The following PRDM4 variants were observed in gnomAD, a reference collection of about 807,000 sequenced individuals.
PRDM4 encodes PR domain zinc finger protein 4.
PRDM4 carries 38 observed loss-of-function variants against 62.3 expected under a neutral mutation model. The ratio of observed to expected loss-of-function variants is 0.61; its 90% CI spans 0.47 to 0.80. PRDM4 has a LOEUF of 0.80. Ranked by LOEUF, PRDM4 falls within the 30% of genes least tolerant of loss-of-function variation. The pLI is 0.00. For missense variants in PRDM4, 858 were observed against 997.1 expected, an observed-to-expected ratio of 0.86 and a Z score of 1.88; for synonymous variants, 339 against 348.2, an observed-to-expected ratio of 0.97 and a Z score of 0.30.
At chr12:107,750,387 T>C (rs1890850583) in intron 5 of PRDM4, among the ~76,000 whole-genome samples, 1 of 151,970 alleles carries the variant, frequency 6.6e-6, no homozygotes, top group Non-Finnish European at 1.5e-5. Context: ...CTACAAAAAA[T>C]TTAAAAATTA....
chr12:107,755,137 C>G (rs957477960), intron 3 of PRDM4, among the ~76,000 whole-genome samples: 1 of 151,876 alleles, frequency 6.6e-6, no homozygotes. Context: ...CAGGTTGGAG[C>G]GTAGTAGCAT....
intron 5 of PRDM4, among the ~76,000 whole-genome samples, chr12:107,747,146 GA>G (rs1467111564): frequency 6.6e-6 from 1 of 151,658 alleles, no homozygotes; most frequent in Non-Finnish European, 1.5e-5. Context: ...AATAATAAAA[GA>G]AAAAAATAGC....
chr12:107,735,613 T>C (rs1463453420), intron 11 of PRDM4, among the ~76,000 whole-genome samples: 1 of 151,894 alleles, frequency 6.6e-6, no homozygotes, highest in Admixed American at 6.6e-5. Flanking sequence ...AGGATGCTGC[T>C]AACCATTCTA....
Position 107,760,948 on chromosome 12 carries a change from G to C in PRDM4, c.-257+9C>G, listed in dbSNP as rs1197153200. On this transcript the variant is annotated intron_variant, in intron 1 of 11. Transcript: ENST00000228437. ...CGCCCCGCTCCGGCCGGGCCCGCGC[G>C]CAGCCCACCTGCCAGCTGCGCTGGG... is the stretch of plus-strand genomic sequence containing the variant. The C allele has an allele frequency of 1.4e-5, 2 of 144,196 alleles. No individual in the cohort carries two copies. The highest frequency in any genetic ancestry group is 3.0e-5 in the Non-Finnish European group (2 of 66,054). The allele number at this position is 144,196 out of a possible 1,614,324, so 8.9% of individuals were successfully genotyped here.
intron 4 of PRDM4, among the ~76,000 whole-genome samples, chr12:107,753,349 T>G (rs1015544913): frequency 7.3e-6 from 1 of 137,292 alleles, no homozygotes; most frequent in African/African-American, 2.7e-5. Flanking sequence ...CTGGGCAAAA[T>G]AGTTGAGACT....
In PRDM4 at chr12:107,760,664, C is replaced by A. The variant is rs1891216519; in HGVS notation, c.-149G>T. On this transcript the variant is annotated 5_prime_UTR_variant, in exon 2 of 12. Transcript: ENST00000228437. ...CGTCCCCGGGGTCGCCCGGGGCCGC[C>A]CAACTTCTCCCGAGGGCCGGTGGCC... 1 of 932,276 alleles carries A rather than the reference C, an allele frequency of 1.1e-6. No homozygotes were observed. Among genetic ancestry groups the A allele is most frequent in the African/African-American group, 1.7e-5 (1 of 58,438 alleles). 57.8% of individuals were successfully genotyped at this position (932,276 alleles called of 1,614,324 possible). A position where few individuals can be genotyped will look rare whatever the true frequency, so the allele number is the denominator to read the frequency against.
intron 10 of PRDM4, among the ~76,000 whole-genome samples, chr12:107,740,039 G>A (rs900705719): frequency 6.6e-6 from 1 of 152,136 alleles, no homozygotes; most frequent in Non-Finnish European, 1.5e-5. Context: ...TAAGGGGTCA[G>A]CAAACCTTCT....
At chr12:107,750,474 G>T (rs147158667) in intron 5 of PRDM4, among the ~76,000 whole-genome samples, 7,945 of 152,120 alleles carry the variant, frequency 0.052, 695 homozygotes, top group African/African-American at 0.18. Context: ...AGCCCAGGAG[G>T]TCGAGGCTAC....
Position 107,734,340 on chromosome 12 carries a change from G to T in PRDM4, c.2276C>A (p.Ser759Ter). 4 of 1,614,148 alleles carry T rather than the reference G, an allele frequency of 2.5e-6. No individual in the cohort carries two copies. Among genetic ancestry groups the T allele is most frequent in the Non-Finnish European group, 3.4e-6 (4 of 1,180,018 alleles). ...LKTCKGPTSS[S>*]SAPEEEEEDD... ...CTCTTCTTCCTCCTCTGGTGCTGACGAACTGGAGGTGGGCCCTTTGCAGGT... is the reference window on the plus strand; with the variant it reads ...CTCTTCTTCCTCCTCTGGTGCTGACTAACTGGAGGTGGGCCCTTTGCAGGT... The change falls in exon 12 of 12, where the codon TCG becomes TAG. Residue 759 changes from serine (S) to a stop codon, truncating the protein, a stop_gained. Transcript: ENST00000228437. LOFTEE classifies it high-confidence loss of function.
chr12:107,749,250 T>G lies in PRDM4; in HGVS notation c.1126+2165A>C, dbSNP rs377211663. ...TCTCAGGTCCACACACAACTTTTCA[T>G]TAGACATCTCTACTGGGTGTCTTAC... On this transcript the variant is annotated intron_variant, in intron 5 of 11. Coordinates refer to ENST00000228437, the MANE Select transcript of PRDM4 (RefSeq NM_012406.4). Among the ~76,000 whole-genome samples the G allele has an allele frequency of 1.5e-3, 228 of 152,280 alleles. 2 individuals carry two copies. The highest frequency in any genetic ancestry group is 6.7e-3 in the Admixed American group (103 of 15,288).
At chr12:107,754,808 T>C (rs1349501833) in intron 3 of PRDM4, 1 of 152,228 alleles carries the variant, frequency 6.6e-6, no homozygotes, top group Non-Finnish European at 1.5e-5. Flanking sequence ...TTTTGGTATT[T>C]TTAAACTTTA....
At chr12:107,747,404 T>G (rs1332148819) in intron 5 of PRDM4, among the ~76,000 whole-genome samples, 1 of 151,964 alleles carries the variant, frequency 6.6e-6, no homozygotes, top group Admixed American at 6.5e-5. Context: ...CTCTTTTGCT[T>G]CACTATAAAC....
Position 107,734,197 on chromosome 12 carries a change from G to C in PRDM4, c.*13C>G, listed in dbSNP as rs1890253435. The C allele has an allele frequency of 6.4e-7, 1 of 1,568,910 alleles. No homozygotes were observed. Among genetic ancestry groups the C allele is most frequent in the Non-Finnish European group, 8.6e-7 (1 of 1,160,514 alleles). On this transcript the variant is annotated 3_prime_UTR_variant, in exon 12 of 12. Transcript: ENST00000228437. ...TTTGCATTTTCATCCAAAATTGCTTGTTTCTTTTCCTTTTATTTATGTGCA... is the reference window on the plus strand; with the variant it reads ...TTTGCATTTTCATCCAAAATTGCTTCTTTCTTTTCCTTTTATTTATGTGCA...
At chr12:107,735,591 A>C (rs1443826491) in intron 11 of PRDM4, among the ~76,000 whole-genome samples, 1 of 151,914 alleles carries the variant, frequency 6.6e-6, no homozygotes, top group Non-Finnish European at 1.5e-5. Context: ...AGTATCTAGT[A>C]GGAAAAGGCC....
At chr12:107,760,287 A>G (rs1891197340) in intron 2 of PRDM4, among the ~76,000 whole-genome samples, 1 of 152,262 alleles carries the variant, frequency 6.6e-6, no homozygotes, top group Admixed American at 6.5e-5. Context: ...CAAGCCAACA[A>G]TAAACGTGTG....
Position 107,744,620 on chromosome 12 carries a change from CAAAGCAA to C in PRDM4, c.1311_1317del (p.Cys438AspfsTer3). The C allele has an allele frequency of 6.2e-7, 1 of 1,613,864 alleles. No individual in the cohort carries two copies. Among genetic ancestry groups the C allele is most frequent in the Non-Finnish European group, 8.5e-7 (1 of 1,179,776 alleles). On this transcript the variant is annotated frameshift_variant, in exon 7 of 12. Transcript: ENST00000228437. LOFTEE classifies it high-confidence loss of function. ...TGACTCTGCTGGCCAATTAGAGGTCCAAAGCAAGTCCGCACAGGAATGGTTTCTCCAG... is the reference window on the plus strand; with the variant it reads ...TGACTCTGCTGGCCAATTAGAGGTCCGTCCGCACAGGAATGGTTTCTCCAG...
chr12:107,734,310 T>C lies in PRDM4; in HGVS notation c.2306A>G (p.Asp769Gly). 6.2e-7 allele frequency: 1 copy of C among 1,614,222 alleles called. No individual in the cohort carries two copies. Among genetic ancestry groups the C allele is most frequent in the Middle Eastern group, 1.6e-4 (1 of 6,062 alleles). The change falls in exon 12 of 12, where the codon GAC becomes GGC. Residue 769 changes from aspartate to glycine, a missense_variant. Asp to Gly is a moderately conservative substitution (Grantham distance 94, BLOSUM62 -1). Around this residue, in one of 3 missense-constraint regions of PRDM4, gnomAD observed 355 missense variants for 432.6 expected, o/e 0.82. Coordinates refer to ENST00000228437, the MANE Select transcript of PRDM4 (RefSeq NM_012406.4). ...SSAPEEEEED[D>G]SEEEDLADSV... Reference sequence around the variant, plus strand: ...GTCTGCTAGATCTTCCTCTTCTGAGTCATCCTCTTCTTCCTCCTCTGGTGC... The same window carrying C: ...GTCTGCTAGATCTTCCTCTTCTGAGCCATCCTCTTCTTCCTCCTCTGGTGC...
chr12:107,757,594 G>A (rs915212941), intron 2 of PRDM4, among the ~76,000 whole-genome samples: 10 of 152,128 alleles, frequency 6.6e-5, no homozygotes, highest in African/African-American at 2.2e-4. Context: ...ATACTGCAAC[G>A]TAAGATAGAT....
At position 107,734,263 on chromosome 12, in the gene PRDM4, TAC is replaced by T. The variant is rs1192800764; in HGVS notation, c.2351_2352del (p.Cys784Ter). ...GCTGAATACACAGCACTGTTAATCCTACAGTCTTCTGTCCCCACAGAGTCTGC... is the reference window on the plus strand; with the variant it reads ...GCTGAATACACAGCACTGTTAATCCTAGTCTTCTGTCCCCACAGAGTCTGC... ...DLADSVGTEDCRINSAVYSAD... is the reference protein window; with the variant it reads ...DLADSVGTEDXRINSAVYSAD... On this transcript the variant is annotated frameshift_variant, in exon 12 of 12. Coordinates refer to ENST00000228437, the MANE Select transcript of PRDM4 (RefSeq NM_012406.4). LOFTEE classifies it high-confidence loss of function. 11 of 1,614,202 alleles carry T rather than the reference TAC, an allele frequency of 6.8e-6. No homozygotes were observed. Among genetic ancestry groups the T allele is most frequent in the East Asian group, 6.7e-5 (3 of 44,886 alleles).
Sources: gnomAD v4.1 joint callset for allele counts (sites outside exome capture counted in the v4.1 genomes callset) on GRCh38, gnomAD v4.1.1 for gene constraint, gnomAD v4.1.1 regional missense constraint, MANE v1.5 for transcripts, NCBI Gene and HGNC (gene_info 2026-07-23, HGNC 2026-07-21) for gene names.